LRMDA: variants seen among roughly 807,000 people sequenced by gnomAD.
The protein encoded by LRMDA is leucine rich melanocyte differentiation associated, also known as leucine-rich melanocyte differentiation-associated protein.
Under a neutral mutation model 29.8 loss-of-function variants are expected in LRMDA, and 18 were observed. That is an observed-to-expected ratio of 0.60 (90% CI 0.42 to 0.90). The LOEUF (loss-of-function observed/expected upper bound fraction) is 0.90, where lower values mean the gene tolerates loss of function less well. Among genes scored for constraint, LRMDA ranks in the 40% least tolerant of loss-of-function variants. LRMDA has a pLI of 0.00. For synonymous variants in LRMDA, 125 were observed against 109.4 expected (o/e 1.14, Z -0.89); for missense variants, 273 against 273.9 (o/e 1.00, Z 0.02).
intron 5 of LRMDA, among the ~76,000 whole-genome samples, chr10:76,313,680 A>G (rs1319983768): frequency 6.6e-6 from 1 of 152,248 alleles, no homozygotes; most frequent in Non-Finnish European, 1.5e-5. Flanking sequence ...TCTGGGAAAA[A>G]AAGTGTGTGT....
intron 2 of LRMDA, among the ~76,000 whole-genome samples, chr10:75,535,456 A>T (rs935391037): frequency 4.6e-5 from 7 of 152,090 alleles, no homozygotes; most frequent in Non-Finnish European, 8.8e-5. Context: ...AAGATTTGTT[A>T]TTCAAGCCAT....
chr10:75,468,395 G>C (rs4746302), intron 2 of LRMDA, among the ~76,000 whole-genome samples: 68,010 of 151,880 alleles, frequency 0.45, 17,036 homozygotes, highest in African/African-American at 0.69. Context: ...GTCATTGCAT[G>C]TAGGGGACAG....
chr10:76,287,301 AT>A (rs1366199912), intron 5 of LRMDA, among the ~76,000 whole-genome samples: 5 of 151,836 alleles, frequency 3.3e-5, no homozygotes, highest in Non-Finnish European at 5.9e-5. Flanking sequence ...TAAACATCCC[AT>A]TTGTCAAGGG....
chr10:76,259,481 G>A (rs1183299700), intron 5 of LRMDA, among the ~76,000 whole-genome samples: 3 of 152,064 alleles, frequency 2.0e-5, no homozygotes, highest in South Asian at 2.1e-4. Context: ...GTTTTGTGGT[G>A]TAACATATGG....
chr10:75,949,343 G>T (rs1308159177), intron 2 of LRMDA, among the ~76,000 whole-genome samples: 1 of 152,230 alleles, frequency 6.6e-6, no homozygotes, highest in African/African-American at 2.4e-5. Context: ...GTGCAATCAA[G>T]TGATTGGTTC....
intron 5 of LRMDA, among the ~76,000 whole-genome samples, chr10:76,323,880 A>C (rs764722353): frequency 6.6e-6 from 1 of 152,226 alleles, no homozygotes; most frequent in Non-Finnish European, 1.5e-5. Flanking sequence ...CTGAGCCAGA[A>C]TCCCCAGTAC....
intron 2 of LRMDA, among the ~76,000 whole-genome samples, chr10:75,554,688 G>A (rs532959420): frequency 7.6e-4 from 115 of 152,120 alleles, no homozygotes; most frequent in Admixed American, 2.6e-4. Context: ...AATGTGGAAC[G>A]GATGTGAGCT....
chr10:75,783,098 G>C, intron 2 of LRMDA: 1 of 1,559,660 alleles, frequency 6.4e-7, no homozygotes, highest in Non-Finnish European at 8.8e-7. Flanking sequence ...AATGATGAAG[G>C]CTGGCTGTCA....
At chr10:75,967,782 G>A (rs1316328145) in intron 2 of LRMDA, among the ~76,000 whole-genome samples, 2 of 152,050 alleles carry the variant, frequency 1.3e-5, no homozygotes, top group South Asian at 2.1e-4. Flanking sequence ...CAGGGGTGGG[G>A]GAGGAGCTGA....
chr10:75,482,649 G>A (rs1457498441), intron 2 of LRMDA, among the ~76,000 whole-genome samples: 1 of 152,184 alleles, frequency 6.6e-6, no homozygotes, highest in East Asian at 1.9e-4. Flanking sequence ...TGACTGAGTA[G>A]AGTCTGTGTC....
intron 6 of LRMDA, chr10:76,464,788 C>T (rs1404075331): frequency 2.6e-5 from 4 of 152,132 alleles, no homozygotes; most frequent in African/African-American, 9.7e-5. Context: ...TTCAAGTTTC[C>T]CTCATATCTT....
chr10:75,845,971 A>G (rs1321456920), intron 2 of LRMDA, among the ~76,000 whole-genome samples: 1 of 152,184 alleles, frequency 6.6e-6, no homozygotes, highest in Non-Finnish European at 1.5e-5. Flanking sequence ...TTGGCAGCCT[A>G]GCACCAAAGT....
intron 2 of LRMDA, among the ~76,000 whole-genome samples, chr10:75,976,299 A>G (rs1347719724): frequency 6.6e-5 from 10 of 152,228 alleles, no homozygotes; most frequent in African/African-American, 2.2e-4. Flanking sequence ...TTTGTATACA[A>G]CATTCTTGGT....
At chr10:75,549,252 A>G (rs540885081) in intron 2 of LRMDA, among the ~76,000 whole-genome samples, 2 of 152,164 alleles carry the variant, frequency 1.3e-5, no homozygotes, top group African/African-American at 2.4e-5. Flanking sequence ...AGTTTTAGCT[A>G]TTTTGAATAA....
At chr10:75,868,934 T>C (rs7077350) in intron 2 of LRMDA, among the ~76,000 whole-genome samples, 2,461 of 152,170 alleles carry the variant, frequency 0.016, 59 homozygotes, top group African/African-American at 0.056. Flanking sequence ...CATCCTGTCC[T>C]CCCAAAGATG....
At chr10:75,700,286 C>A (rs1842289102) in intron 2 of LRMDA, among the ~76,000 whole-genome samples, 4 of 146,292 alleles carry the variant, frequency 2.7e-5, no homozygotes, top group Non-Finnish European at 3.0e-5. Flanking sequence ...AATATTAAAC[C>A]AATATTTTAA....
At chr10:76,038,977 C>G (rs188793370) in intron 3 of LRMDA, among the ~76,000 whole-genome samples, 1 of 152,312 alleles carries the variant, frequency 6.6e-6, no homozygotes, top group African/African-American at 2.4e-5. Flanking sequence ...AAGATGACCT[C>G]ACTCATATGT....
intron 2 of LRMDA, among the ~76,000 whole-genome samples, chr10:75,609,509 A>T (rs1209360974): frequency 2.0e-5 from 3 of 152,180 alleles, no homozygotes; most frequent in Non-Finnish European, 4.4e-5. Flanking sequence ...GAAGGAGTAA[A>T]TGTGGCATCT....
At chr10:76,207,332 A>G (rs1851554967) in intron 5 of LRMDA, among the ~76,000 whole-genome samples, 1 of 152,118 alleles carries the variant, frequency 6.6e-6, no homozygotes, top group Admixed American at 6.5e-5. Flanking sequence ...CCTTTAAGAC[A>G]TTCTGTTTCT....
Sources: gnomAD v4.1 joint callset for allele counts (sites outside exome capture counted in the v4.1 genomes callset) on GRCh38, gnomAD v4.1.1 for gene constraint, MANE v1.5 for transcripts, NCBI Gene and HGNC (gene_info 2026-07-23, HGNC 2026-07-21) for gene names.